Variants in KREMEN1 observed in about 807,000 individuals in gnomAD.
KREMEN1 encodes the protein kringle containing transmembrane protein 1.
Under a neutral mutation model 46.5 loss-of-function variants are expected in KREMEN1, and 30 were observed. That is an observed-to-expected ratio of 0.65 (90% confidence interval 0.48 to 0.88). The LOEUF (loss-of-function observed/expected upper bound fraction) is 0.88. KREMEN1 is among the 40% of genes least tolerant of loss of function. The probability of loss-of-function intolerance (pLI) is 0.00; values close to 1 mark genes in which losing one functional copy is unlikely to be tolerated. For synonymous variants in KREMEN1, 214 were observed against 230.6 expected, an observed-to-expected ratio of 0.93 and a Z score of 0.65; for missense variants, 533 against 596.9, an observed-to-expected ratio of 0.89 and a Z score of 1.11.
chr22:29,075,707 A>G (rs1405532938), intron 1 of KREMEN1, among the ~76,000 whole-genome samples: 1 of 152,064 alleles, frequency 6.6e-6, no homozygotes, highest in Non-Finnish European at 1.5e-5. Context: ...AAACACACAC[A>G]CATACACACA....
intron 9 of KREMEN1, among the ~76,000 whole-genome samples, chr22:29,166,480 C>G (rs1186209352): frequency 6.6e-6 from 1 of 152,224 alleles, no homozygotes; most frequent in African/African-American, 2.4e-5. Context: ...CGAGCCTAAG[C>G]CTCGAACTCT....
intron 5 of KREMEN1, among the ~76,000 whole-genome samples, chr22:29,130,108 A>C (rs978742263): frequency 1.3e-5 from 2 of 152,360 alleles, no homozygotes; most frequent in Non-Finnish European, 2.9e-5. Context: ...AGCCTGTGCT[A>C]TTCACTTTAC....
chr22:29,111,310 TAA>T (rs750795996), intron 3 of KREMEN1, among the ~76,000 whole-genome samples: 28 of 117,544 alleles, frequency 2.4e-4, no homozygotes, highest in East Asian at 4.9e-4. Flanking sequence ...CTGTCTCTAT[TAA>T]AAAAAAAAAA....
intron 9 of KREMEN1, among the ~76,000 whole-genome samples, chr22:29,157,173 C>A (rs987615746): frequency 6.6e-6 from 1 of 152,132 alleles, no homozygotes; most frequent in Admixed American, 6.5e-5. Flanking sequence ...GGGGGCTCCA[C>A]GCAAAGATTA....
intron 4 of KREMEN1, among the ~76,000 whole-genome samples, chr22:29,124,106 C>T (rs150705560): frequency 0.01 from 1,582 of 152,150 alleles, 27 homozygotes; most frequent in African/African-American, 0.036. Context: ...CTTATATTCA[C>T]ATAAAAATCA....
intron 2 of KREMEN1, among the ~76,000 whole-genome samples, chr22:29,097,752 A>G (rs2037902166): frequency 6.6e-6 from 1 of 152,162 alleles, no homozygotes; most frequent in Non-Finnish European, 1.5e-5. Context: ...AGAAAAGAAA[A>G]AAAGCTGAAA....
chr22:29,094,770 C>T (rs1048368389), intron 2 of KREMEN1, among the ~76,000 whole-genome samples: 15 of 151,992 alleles, frequency 9.9e-5, no homozygotes, highest in Non-Finnish European at 2.1e-4. Flanking sequence ...ACTACAGGCG[C>T]CCGCCAACAC....
chr22:29,110,133 G>A (rs8140748), intron 3 of KREMEN1, among the ~76,000 whole-genome samples: 3,011 of 152,242 alleles, frequency 0.02, 100 homozygotes, highest in African/African-American at 0.069. Context: ...TCTCTGGGTC[G>A]ACTGAGTTTC....
downstream of KREMEN1, among the ~76,000 whole-genome samples, chr22:29,147,803 G>T (rs1418837728): frequency 1.3e-5 from 2 of 152,200 alleles, no homozygotes; most frequent in African/African-American, 4.8e-5. Context: ...GCAGGGGCAC[G>T]TGCATGGGGC....
chr22:29,117,831 T>G (rs1569324588), intron 3 of KREMEN1, among the ~76,000 whole-genome samples: 1 of 152,212 alleles, frequency 6.6e-6, no homozygotes, highest in Non-Finnish European at 1.5e-5. Flanking sequence ...ATGAATTAAT[T>G]TCTTTATTCA....
At position 29,073,953 on chromosome 22, in the gene KREMEN1, G is replaced by A. The variant is rs777003854; in HGVS notation, c.97+726G>A. On this transcript the variant is annotated intron_variant, in intron 1 of 8. Coordinates refer to ENST00000400335, the MANE Select transcript of KREMEN1 (RefSeq NM_001039570.3). The surrounding 1 kb of genome is among the most constrained non-coding windows in gnomAD (Gnocchi z 4.4). ...GACCTCCAGCGACATCCCTCCCCTG[G>A]GCCAAGGTCCCCTCCCTGAGCCTCA... is the stretch of plus-strand genomic sequence containing the variant. 1.3e-5 allele frequency among the ~76,000 whole-genome samples: 2 copies of A among 151,718 alleles called. No homozygotes were observed. Among genetic ancestry groups the A allele is most frequent in the Non-Finnish European group, 2.9e-5 (2 of 67,856 alleles).
At chr22:29,123,562 C>T (rs1023463729) in intron 4 of KREMEN1, among the ~76,000 whole-genome samples, 12 of 152,114 alleles carry the variant, frequency 7.9e-5, no homozygotes, top group Admixed American at 6.5e-5. Flanking sequence ...GAGGCCAAGG[C>T]AGGAGGATCA....
intron 1 of KREMEN1, among the ~76,000 whole-genome samples, chr22:29,085,549 A>C (rs2037715629): frequency 6.6e-6 from 1 of 152,228 alleles, no homozygotes; most frequent in African/African-American, 2.4e-5. Context: ...TATTTTTTAC[A>C]CTTCAGTCAG....
At chr22:29,085,796 C>G (rs2037719024) in intron 1 of KREMEN1, among the ~76,000 whole-genome samples, 1 of 152,036 alleles carries the variant, frequency 6.6e-6, no homozygotes, top group Non-Finnish European at 1.5e-5. Context: ...ACAATGTAGA[C>G]CCCATATCTA....
At chr22:29,086,641 C>T (rs2037732869) in intron 1 of KREMEN1, among the ~76,000 whole-genome samples, 1 of 152,226 alleles carries the variant, frequency 6.6e-6, no homozygotes, top group African/African-American at 2.4e-5. Flanking sequence ...AAAGGGTAGT[C>T]TGCCCAGGGG....
Position 29,137,649 on chromosome 22 carries a change from C to T in KREMEN1, c.939C>T (p.Ala313=), listed in dbSNP as rs2145844983. Residue 313 remains alanine, a synonymous_variant, in exon 6 of 9, where the codon GCC becomes GCT. Coordinates refer to ENST00000400335, the MANE Select transcript of KREMEN1 (RefSeq NM_001039570.3). ...TCTTCTCTGATCGCATCAATCAGGC[C>T]CAGGGATTTGCTGTTTTATACCAAG... ...LYFFSDRINQ[A]QGFAVLYQAV... The T allele has an allele frequency of 6.3e-7, 1 of 1,597,674 alleles. No homozygotes were observed. Among genetic ancestry groups the T allele is most frequent in the East Asian group, 2.3e-5 (1 of 44,366 alleles).
In KREMEN1 at chr22:29,142,815, C is replaced by T; in HGVS notation, c.*703C>T. Reference sequence around the variant, plus strand: ...TTTCTAGATTCTTCTTTCCATAGCTCATGGAGCTGCAGGGAAAGCTTTAAG... The same window carrying T: ...TTTCTAGATTCTTCTTTCCATAGCTTATGGAGCTGCAGGGAAAGCTTTAAG... On this transcript the variant is annotated 3_prime_UTR_variant, in exon 9 of 9. Transcript: ENST00000400335. 1.0e-6 allele frequency: 1 copy of T among 985,466 alleles called. No individual in the cohort carries two copies. The highest frequency in any genetic ancestry group is 1.2e-6 in the Non-Finnish European group (1 of 829,952). The allele number at this position is 985,466 out of a possible 1,614,324, so 61.0% of individuals were successfully genotyped here.
rs746108591 is a variant in KREMEN1, at chr22:29,137,342, C to A, written c.632C>A (p.Thr211Asn). Residue 211 changes from threonine to asparagine, a missense_variant and splice_region_variant, in exon 6 of 9, where the codon ACT becomes AAT. Thr to Asn is a moderately conservative substitution (Grantham distance 65, BLOSUM62 0). Transcript: ENST00000400335. ...CGTGGTGTCTTTTTCTCTCCTACAG[C>A]TCTCGTGGGCGCCTGCGGTGGGAAC... is the stretch of plus-strand genomic sequence containing the variant. Reference protein sequence around the residue: ...GGDGRIILFDTLVGACGGNYS... With the variant: ...GGDGRIILFDNLVGACGGNYS... The A allele has an allele frequency of 1.4e-6, 2 of 1,475,430 alleles. No individual in the cohort carries two copies. The highest frequency in any genetic ancestry group is 3.0e-5 in the South Asian group (2 of 67,234). 91.4% of individuals were successfully genotyped at this position (1,475,430 alleles called of 1,614,324 possible). A position where few individuals can be genotyped will look rare whatever the true frequency, so the allele number is the denominator to read the frequency against.
At position 29,145,365 on chromosome 22, in the gene KREMEN1, C is replaced by T. The variant is rs2038840538; in HGVS notation, c.*3253C>T. ...GCTTCGGGGACCACTGTGGACAGAGCTCTGAAAGCACCCTGGCCAAAGCCC... is the reference window on the plus strand; with the variant it reads ...GCTTCGGGGACCACTGTGGACAGAGTTCTGAAAGCACCCTGGCCAAAGCCC... On this transcript the variant is annotated 3_prime_UTR_variant, in exon 9 of 9. Coordinates refer to ENST00000400335, the MANE Select transcript of KREMEN1 (RefSeq NM_001039570.3). 1.0e-6 allele frequency: 1 copy of T among 985,546 alleles called. No individual in the cohort carries two copies. Among genetic ancestry groups the T allele is most frequent in the Non-Finnish European group, 1.2e-6 (1 of 830,052 alleles). 61.1% of individuals were successfully genotyped at this position (985,546 alleles called of 1,614,324 possible).
Sources: gnomAD v4.1 joint callset for allele counts (sites outside exome capture counted in the v4.1 genomes callset) on GRCh38, gnomAD v4.1.1 for gene constraint, Gnocchi (gnomAD v3.1) non-coding constraint, MANE v1.5 for transcripts, NCBI Gene and HGNC (gene_info 2026-07-23, HGNC 2026-07-21) for gene names.